The following IQSEC1 variants were observed in gnomAD, a reference collection of about 807,000 sequenced individuals.
IQSEC1 encodes the protein IQ motif and Sec7 domain ArfGEF 1.
In IQSEC1, 31 loss-of-function variants were observed where a neutral mutation model predicts 91.0. The observed-to-expected ratio is 0.34, with a 90% CI of 0.26 to 0.46. The LOEUF is 0.46. IQSEC1 is among the 20% of genes least tolerant of loss of function. The pLI, the probability that IQSEC1 is intolerant of heterozygous loss-of-function variation, is 1.00. For synonymous variants in IQSEC1, 699 were observed against 662.6 expected (o/e 1.05, Z -0.84); for missense variants, 1,388 against 1,575.6 (o/e 0.88, Z 2.02).
chr3:13,078,196 G>A (rs1705593039), upstream of IQSEC1, among the ~76,000 whole-genome samples: 1 of 152,180 alleles, frequency 6.6e-6, no homozygotes, highest in South Asian at 2.1e-4. Context: ...CCTGGGGAGA[G>A]AACCAGTGAA....
chr3:12,997,284 T>C (rs1702261296), intron 1 of IQSEC1, among the ~76,000 whole-genome samples: 1 of 152,208 alleles, frequency 6.6e-6, no homozygotes, highest in Non-Finnish European at 1.5e-5. Context: ...AGGACACAAA[T>C]ATGCCGAAAC....
intron 12 of IQSEC1, among the ~76,000 whole-genome samples, chr3:12,907,673 GC>G (rs1695129783): frequency 6.6e-6 from 1 of 152,258 alleles, no homozygotes; most frequent in African/African-American, 2.4e-5. Context: ...CCTGAGCCTT[GC>G]TGCTCCCGGT....
At chr3:13,123,839 G>C (rs1706466450) in intron 2 of IQSEC1, among the ~76,000 whole-genome samples, 1 of 152,360 alleles carries the variant, frequency 6.6e-6, no homozygotes, top group African/African-American at 2.4e-5. Context: ...TGGCGAGACT[G>C]ATTACAGACT....
intron 2 of IQSEC1, among the ~76,000 whole-genome samples, chr3:13,104,725 C>G (rs750294019): frequency 6.6e-6 from 1 of 152,218 alleles, no homozygotes; most frequent in East Asian, 1.9e-4. Context: ...TCCTCTTCAC[C>G]CCTCACTCCG....
chr3:13,049,148 AATTTT>A (rs1704599938), intron 1 of IQSEC1, among the ~76,000 whole-genome samples: 1 of 152,140 alleles, frequency 6.6e-6, no homozygotes, highest in African/African-American at 2.4e-5. Flanking sequence ...CATGGTGAGG[AATTTT>A]GGCCTTCAGG....
At chr3:13,236,963 G>A (rs189846172) in intron 1 of IQSEC1, among the ~76,000 whole-genome samples, 94 of 152,344 alleles carry the variant, frequency 6.2e-4, no homozygotes, top group Admixed American at 1.4e-3. Context: ...CGGCCCGGGC[G>A]CACTGGGTGG....
Position 12,915,422 on chromosome 3 carries a change from T to C in IQSEC1, c.2160+172A>G, listed in dbSNP as rs143487957. Among the ~76,000 whole-genome samples the C allele has an allele frequency of 1.5e-3, 226 of 152,278 alleles. 1 individual carries two copies. The highest frequency in any genetic ancestry group is 5.3e-3 in the African/African-American group (219 of 41,556). ...GATTGTAACGCAGAGCCAATAGCTG[T>C]TATTCCCAAATATGACAGGAGACAC... On this transcript the variant is annotated intron_variant, in intron 7 of 13. Transcript: ENST00000613206.
chr3:13,117,409 AC>A (rs1380110318), intron 2 of IQSEC1, among the ~76,000 whole-genome samples: 1 of 151,104 alleles, frequency 6.6e-6, no homozygotes, highest in African/African-American at 2.4e-5. Context: ...ACATGGTGAA[AC>A]CCCGTCTCTA....
At chr3:13,108,549 C>T (rs1706191266) in intron 2 of IQSEC1, among the ~76,000 whole-genome samples, 1 of 151,986 alleles carries the variant, frequency 6.6e-6, no homozygotes, top group Non-Finnish European at 1.5e-5. Flanking sequence ...TTTCCTCTTG[C>T]CAAGATTCTC....
At chr3:12,986,783 C>T (rs546622191) in intron 1 of IQSEC1, among the ~76,000 whole-genome samples, 32 of 152,298 alleles carry the variant, frequency 2.1e-4, no homozygotes, top group African/African-American at 6.3e-4. Context: ...GGTGCCTGTG[C>T]GCATATGTGA....
At chr3:13,235,956 C>T (rs914161051) in intron 1 of IQSEC1, among the ~76,000 whole-genome samples, 25 of 152,264 alleles carry the variant, frequency 1.6e-4, no homozygotes, top group African/African-American at 3.6e-4. Flanking sequence ...CTGGTCCTGT[C>T]GCCTTGTAGT....
At chr3:13,030,256 C>G (rs981885940) in intron 1 of IQSEC1, among the ~76,000 whole-genome samples, 1 of 152,166 alleles carries the variant, frequency 6.6e-6, no homozygotes, top group African/African-American at 2.4e-5. Flanking sequence ...CACCACCACA[C>G]GTAGCTATTT....
At chr3:13,143,391 T>A (rs888742853) in intron 2 of IQSEC1, among the ~76,000 whole-genome samples, 2 of 152,084 alleles carry the variant, frequency 1.3e-5, no homozygotes, top group African/African-American at 4.8e-5. Flanking sequence ...CACCATGGAT[T>A]CTGTTACACA....
chr3:12,963,884 A>G (rs1700393799), intron 1 of IQSEC1, among the ~76,000 whole-genome samples: 1 of 152,246 alleles, frequency 6.6e-6, no homozygotes, highest in South Asian at 2.1e-4. Flanking sequence ...ACATCTCTCC[A>G]GAGAACAACG....
intron 1 of IQSEC1, among the ~76,000 whole-genome samples, chr3:13,063,490 G>T (rs571837855): frequency 1.4e-4 from 21 of 152,366 alleles, no homozygotes; most frequent in African/African-American, 5.1e-4. Context: ...GCACAGGGCA[G>T]AGGAGGGCAG....
At chr3:13,177,563 C>G (rs980686122) in intron 1 of IQSEC1, among the ~76,000 whole-genome samples, 7 of 73,578 alleles carry the variant, frequency 9.5e-5, no homozygotes, top group South Asian at 8.4e-4. Context: ...GGGGCTTCAC[C>G]CCCCATTCCC....
intron 1 of IQSEC1, among the ~76,000 whole-genome samples, chr3:13,039,498 G>A (rs1704171817): frequency 6.6e-6 from 1 of 152,232 alleles, no homozygotes; most frequent in Non-Finnish European, 1.5e-5. Flanking sequence ...CAGGCAAAAA[G>A]CCAAGTGGCT....
chr3:13,175,347 A>G (rs542902491), intron 1 of IQSEC1, among the ~76,000 whole-genome samples: 2 of 152,354 alleles, frequency 1.3e-5, no homozygotes, highest in Non-Finnish European at 2.9e-5. Flanking sequence ...CCAATTAGCT[A>G]TGATGAGTGA....
chr3:13,020,747 C>T (rs1237859662), intron 1 of IQSEC1, among the ~76,000 whole-genome samples: 1 of 152,216 alleles, frequency 6.6e-6, no homozygotes, highest in African/African-American at 2.4e-5. Context: ...GATCATCACA[C>T]ACTACCCTTG....
Sources: gnomAD v4.1 joint callset for allele counts (sites outside exome capture counted in the v4.1 genomes callset) on GRCh38, gnomAD v4.1.1 for gene constraint, MANE v1.5 for transcripts, NCBI Gene and HGNC (gene_info 2026-07-23, HGNC 2026-07-21) for gene names.